Variants in HNMT observed in about 807,000 individuals in gnomAD.
The protein encoded by HNMT is histamine N-methyltransferase.
Under a neutral mutation model 32.1 loss-of-function variants are expected in HNMT, and 30 were observed. The ratio of observed to expected loss-of-function variants is 0.93; its 90% CI spans 0.70 to 1.27. The LOEUF (loss-of-function observed/expected upper bound fraction) is 1.27. Ranked by LOEUF, HNMT falls within the 50% of genes most tolerant of loss-of-function variation. The pLI is 0.00. For missense variants in HNMT, 327 were observed against 346.0 expected, an observed-to-expected ratio of 0.95 and a Z score of 0.43; for synonymous variants, 125 against 119.0, an observed-to-expected ratio of 1.05 and a Z score of -0.33.
At chr2:137,981,882 C>G (rs1680511806) in intron 2 of HNMT, among the ~76,000 whole-genome samples, 1 of 152,044 alleles carries the variant, frequency 6.6e-6, no homozygotes, top group Admixed American at 6.5e-5. Flanking sequence ...GAAACAGAGT[C>G]TTTCTCTGTC....
In HNMT at chr2:138,001,030, C is replaced by G. The variant is rs201191961; in HGVS notation, c.298+5C>G. The G allele has an allele frequency of 6.6e-7, 1 of 1,504,540 alleles. No homozygotes were observed. The highest frequency in any genetic ancestry group is 1.7e-5 in the Admixed American group (1 of 57,792). 93.2% of individuals were successfully genotyped at this position (1,504,540 alleles called of 1,614,324 possible). ...AACAAATTGCCAAATACAAAGGTAC[C>G]TGTAACTCCTGGTCCTCTACACCAG... On this transcript the variant is annotated splice_donor_5th_base_variant and intron_variant, in intron 3 of 5. Coordinates refer to ENST00000280097, the MANE Select transcript of HNMT (RefSeq NM_006895.3).
intron 1 of HNMT, chr2:137,967,452 C>T (rs762430197): frequency 4.2e-6 from 1 of 240,532 alleles, no homozygotes; most frequent in Non-Finnish European, 8.0e-6. Flanking sequence ...TCATCCTTGG[C>T]ATGTGGAATA....
chr2:137,983,616 G>A (rs1276821349), intron 2 of HNMT, among the ~76,000 whole-genome samples: 1 of 152,166 alleles, frequency 6.6e-6, no homozygotes, highest in South Asian at 2.1e-4. Flanking sequence ...GTAACTCGAA[G>A]TAGTGGTTTG....
chr2:138,003,427 A>G (rs1303977290), intron 4 of HNMT, among the ~76,000 whole-genome samples: 1 of 152,148 alleles, frequency 6.6e-6, no homozygotes, highest in African/African-American at 2.4e-5. Flanking sequence ...CTGGTCTACA[A>G]TGATAATCAC....
In HNMT at chr2:138,005,062, A is replaced by C. The variant is rs1164702672; in HGVS notation, c.430-70A>C. 5.0e-6 allele frequency: 4 copies of C among 803,632 alleles called. No homozygotes were observed. The East Asian group carries it at 7.5e-5, about 15-fold the overall frequency. The allele number at this position is 803,632 out of a possible 1,614,324, so 49.8% of individuals were successfully genotyped here. A position where few individuals can be genotyped will look rare whatever the true frequency, so the allele number is the denominator to read the frequency against. On this transcript the variant is annotated intron_variant, in intron 4 of 5. Transcript: ENST00000280097. ...CAACTAGAAAATCAAACTTTCTAGG[A>C]GTATCTAGCCCAAGCAATAAAGACT...
intron 5 of HNMT, among the ~76,000 whole-genome samples, chr2:138,012,987 A>G (rs1204828037): frequency 6.6e-6 from 1 of 151,952 alleles, no homozygotes; most frequent in Non-Finnish European, 1.5e-5. Flanking sequence ...CCCATCGGTG[A>G]GGCCAGGGTG....
intron 3 of HNMT, 118 bp from the exon 4 acceptor site, chr2:138,001,945 GA>G (rs1215995433): frequency 1.3e-6 from 1 of 740,834 alleles, no homozygotes; most frequent in African/African-American, 1.8e-5. Context: ...ACATAAGAAA[GA>G]AAAACGTTCT....
chr2:138,008,310 G>C (rs1681389943), intron 5 of HNMT, among the ~76,000 whole-genome samples: 1 of 152,014 alleles, frequency 6.6e-6, no homozygotes, highest in Admixed American at 6.6e-5. Flanking sequence ...CCCCAGAAAA[G>C]ACATGATCTC....
chr2:138,013,622 A>G (rs1182992321), intron 5 of HNMT, among the ~76,000 whole-genome samples, 153 bp from the exon 6 acceptor site: 2 of 151,990 alleles, frequency 1.3e-5, no homozygotes, highest in Non-Finnish European at 2.9e-5. Flanking sequence ...ATATTTACTT[A>G]TTTTTCTCTC....
rs967279992 is a variant in HNMT at position 138,014,091 on chromosome 2, T to G, written c.840T>G (p.Leu280=). The stretch of plus-strand genomic sequence containing the variant: ...GTGCTAAGAAAGAGGGGAAGGTTCT[T>G]TTTAATAATACTCTGAGTTTCATAG... ...EFSAKKEGKV[L]FNNTLSFIVI... Residue 280 remains leucine, a synonymous_variant, in exon 6 of 6, where the codon CTT becomes CTG. Transcript: ENST00000280097. The G allele has an allele frequency of 6.2e-7, 1 of 1,605,098 alleles. No individual in the cohort carries two copies. The highest frequency in any genetic ancestry group is 8.5e-7 in the Non-Finnish European group (1 of 1,174,332).
At position 138,005,178 on chromosome 2, in the gene HNMT, A is replaced by G; in HGVS notation, c.476A>G (p.His159Arg). 1 of 1,604,532 alleles carries G rather than the reference A, an allele frequency of 6.2e-7. No individual in the cohort carries two copies. Among genetic ancestry groups the G allele is most frequent in the Non-Finnish European group, 8.5e-7 (1 of 1,171,830 alleles). The part of the protein sequence containing the change: ...KDIPATLKFF[H>R]SLLGTNAKML... Reference sequence around the variant, plus strand: ...ATCCCAGCTACCCTGAAATTCTTCCATAGTCTCTTAGGTACCAATGCTAAG... The same window carrying G: ...ATCCCAGCTACCCTGAAATTCTTCCGTAGTCTCTTAGGTACCAATGCTAAG... The change falls in exon 5 of 6, where the codon CAT becomes CGT. Residue 159 changes from histidine (H) to arginine (R), a missense_variant. His to Arg is a conservative substitution (Grantham distance 29). Coordinates refer to ENST00000280097, the MANE Select transcript of HNMT (RefSeq NM_006895.3).
intron 2 of HNMT, among the ~76,000 whole-genome samples, chr2:137,992,193 C>G (rs374174789): frequency 6.6e-6 from 1 of 152,210 alleles, no homozygotes; most frequent in Non-Finnish European, 1.5e-5. Flanking sequence ...CTTAAGCCTA[C>G]GGAACTCCTG....
rs1351839579 is a variant in HNMT at position 137,981,086 on chromosome 2, A to C, written c.190+10869A>C. On this transcript the variant is annotated intron_variant, in intron 2 of 5. Coordinates refer to ENST00000280097, the MANE Select transcript of HNMT (RefSeq NM_006895.3). The stretch of plus-strand genomic sequence containing the variant: ...AAAATGATAATAATCTTAATGCAAC[A>C]TGTAATAGAATTAAATTTTTCCTGC... 39 of 1,130,646 alleles carry C rather than the reference A, an allele frequency of 3.4e-5. 1 individual carries two copies. The South Asian group carries it at 7.2e-4, about 21-fold the overall frequency. The allele number at this position is 1,130,646 out of a possible 1,614,324, so 70.0% of individuals were successfully genotyped here.
At chr2:137,994,185 G>A (rs1009440887) in intron 2 of HNMT, among the ~76,000 whole-genome samples, 7 of 152,184 alleles carry the variant, frequency 4.6e-5, no homozygotes, top group Non-Finnish European at 7.3e-5. Flanking sequence ...AACCTTAAAT[G>A]TAAATGAGCT....
chr2:138,014,206 C>A lies in HNMT; in HGVS notation c.*76C>A. 2.1e-6 allele frequency: 2 copies of A among 943,352 alleles called. No individual in the cohort carries two copies. Among genetic ancestry groups the A allele is most frequent in the Non-Finnish European group, 3.2e-6 (2 of 630,696 alleles). The allele number at this position is 943,352 out of a possible 1,614,324, so 58.4% of individuals were successfully genotyped here. ...CACTCATTTATTTCCATATTAAAAT[C>A]ACAAACTCATCCATTAATGTAGATA... On this transcript the variant is annotated 3_prime_UTR_variant, in exon 6 of 6. Transcript: ENST00000280097.
intron 2 of HNMT, among the ~76,000 whole-genome samples, chr2:138,000,030 C>G (rs919364650): frequency 2.6e-5 from 4 of 152,112 alleles, no homozygotes; most frequent in Admixed American, 6.6e-5. Flanking sequence ...ATTGTCATCT[C>G]TCTTACACTA....
intron 5 of HNMT, among the ~76,000 whole-genome samples, chr2:138,006,586 G>C (rs1340181742): frequency 1.3e-5 from 2 of 151,996 alleles, no homozygotes; most frequent in Non-Finnish European, 2.9e-5. Flanking sequence ...AAGTAACTGA[G>C]AACTGATTAA....
chr2:137,981,838 A>G (rs1024416448), intron 2 of HNMT, among the ~76,000 whole-genome samples: 13 of 152,120 alleles, frequency 8.5e-5, no homozygotes, highest in African/African-American at 2.9e-4. Context: ...TTGTCTCTCT[A>G]CAGGCTTCTT....
intron 2 of HNMT, among the ~76,000 whole-genome samples, chr2:137,974,950 T>C (rs1680243610): frequency 6.6e-6 from 1 of 152,180 alleles, no homozygotes; most frequent in Admixed American, 6.6e-5. Context: ...CTACAGAGGT[T>C]AAAACCTAGA....
Sources: gnomAD v4.1 joint callset for allele counts (sites outside exome capture counted in the v4.1 genomes callset) on GRCh38, gnomAD v4.1.1 for gene constraint, MANE v1.5 for transcripts, NCBI Gene and HGNC (gene_info 2026-07-23, HGNC 2026-07-21) for gene names.